The following MYOM1 variants were observed in gnomAD, a reference collection of about 807,000 sequenced individuals.
MYOM1 encodes myomesin 1.
A neutral mutation model predicts 205.3 loss-of-function variants in MYOM1; 164 were observed. That is an observed-to-expected ratio of 0.80 (90% confidence interval 0.70 to 0.91). MYOM1 has a LOEUF of 0.91. Ranked by LOEUF, MYOM1 falls within the 40% of genes least tolerant of loss-of-function variation. MYOM1 has a pLI of 0.00. For synonymous variants in MYOM1, 772 were observed against 789.4 expected, an observed-to-expected ratio of 0.98 and a Z score of 0.37; for missense variants, 2,011 against 2,127.3, an observed-to-expected ratio of 0.95 and a Z score of 1.08.
At position 3,164,326 on chromosome 18, in the gene MYOM1, G is replaced by A. The variant is rs776661300; in HGVS notation, c.1453C>T (p.Arg485Trp). Residue 485 changes from arginine to tryptophan, a missense_variant, in exon 10 of 38, where the codon CGG (arginine) becomes TGG (tryptophan). Physicochemically the swap from Arg to Trp is moderately radical, Grantham distance 101 (BLOSUM62 -3). Transcript: ENST00000356443. The part of the protein sequence containing the change: ...EDEGLYTIRV[R>W]MGEYYEQYSA... ...TATTGTTCATAATATTCTCCCATCC[G>A]TACACGGATTGTATAGAGGCCTTCA... The A allele has an allele frequency of 2.1e-5, 34 of 1,612,724 alleles. No individual in the cohort carries two copies. The highest frequency in any genetic ancestry group is 8.9e-5 in the East Asian group (4 of 44,888).
At chr18:3,216,480 G>A (rs1024696652) in intron 1 of MYOM1, among the ~76,000 whole-genome samples, 1 of 152,172 alleles carries the variant, frequency 6.6e-6, no homozygotes, top group African/African-American at 2.4e-5. Context: ...CCTCAGCAGG[G>A]ATGGCTTCTC....
At chr18:3,210,782 T>C (rs1252748925) in intron 2 of MYOM1, among the ~76,000 whole-genome samples, 1 of 152,148 alleles carries the variant, frequency 6.6e-6, no homozygotes, top group African/African-American at 2.4e-5. Flanking sequence ...TGGGTGCCCG[T>C]GGAAAGGGTG....
rs1049820750 is a variant in MYOM1, at chr18:3,135,305, C to T, written c.2209+242G>A. The T allele has an allele frequency of 1.2e-5, 5 of 416,560 alleles. No homozygotes were observed. The highest frequency in any genetic ancestry group is 2.1e-5 in the Non-Finnish European group (5 of 235,384). The allele number at this position is 416,560 out of a possible 1,614,324, so 25.8% of individuals were successfully genotyped here. Reference sequence around the variant, plus strand: ...AAAACAGTTAGGGAGCATGGATAAACTAAATGTCCATGAACTTCAGAAAAA... The same window carrying T: ...AAAACAGTTAGGGAGCATGGATAAATTAAATGTCCATGAACTTCAGAAAAA... On this transcript the variant is annotated intron_variant, in intron 15 of 37. Coordinates refer to ENST00000356443, the MANE Select transcript of MYOM1 (RefSeq NM_003803.4). This position sits in a 1 kb window ranked among gnomAD's most constrained non-coding sequence, Gnocchi z 4.1.
chr18:3,215,256 A>G lies in MYOM1; in HGVS notation c.-28-5T>C. ...CCCTTGAAGGAACCGGGCCACCTGA[A>G]GGAAAACAACACTTTTTGAGTGACT... On this transcript the variant is annotated splice_region_variant and splice_polypyrimidine_tract_variant and intron_variant, in intron 1 of 37. Transcript: ENST00000356443. The G allele has an allele frequency of 6.4e-7, 1 of 1,565,780 alleles. No homozygotes were observed.
At chr18:3,244,702 C>G in the MYOM1 span, among the ~76,000 whole-genome samples, 26 of 151,030 alleles carry the variant, frequency 1.7e-4, no homozygotes, top group South Asian at 5.4e-3. Context: ...ACCAGCCTGG[C>G]CAACATGGTG....
intron 26 of MYOM1, among the ~76,000 whole-genome samples, chr18:3,091,163 A>C (rs1386061037): frequency 1.3e-5 from 2 of 152,148 alleles, no homozygotes; most frequent in Non-Finnish European, 1.5e-5. Context: ...TAAAAACACA[A>C]AAATTAGCCT....
chr18:3,122,536 T>C (rs1206944947), intron 19 of MYOM1, among the ~76,000 whole-genome samples: 2 of 152,214 alleles, frequency 1.3e-5, no homozygotes, highest in African/African-American at 4.8e-5. Flanking sequence ...AAAGGGAGAC[T>C]ATCCTGCATT....
the MYOM1 span, chr18:3,247,324 G>A: frequency 6.6e-6 from 1 of 152,304 alleles, no homozygotes; most frequent in Non-Finnish European, 1.5e-5. Context: ...ACTGCTCCGG[G>A]GCCCTCAGGC....
intron 21 of MYOM1, among the ~76,000 whole-genome samples, chr18:3,114,498 C>A (rs7505460): frequency 0.87 from 129,165 of 148,014 alleles, 56,910 homozygotes; most frequent in East Asian, 0.97. Flanking sequence ...CCATCTCAGC[C>A]TCCTGAGTAG....
At chr18:3,127,046 G>C in intron 18 of MYOM1, 149 bp from the exon 19 acceptor site, 1 of 645,526 alleles carries the variant, frequency 1.5e-6, no homozygotes, top group Non-Finnish European at 2.7e-6. Context: ...TGAACTTGGT[G>C]AATGCAATGG....
At chr18:3,215,309 G>A in intron 1 of MYOM1, 58 bp from the exon 2 acceptor site, 5 of 1,307,998 alleles carry the variant, frequency 3.8e-6, no homozygotes, top group Non-Finnish European at 5.2e-6. Flanking sequence ...CATAGACCAA[G>A]TCATCTAAAT....
At position 3,094,315 on chromosome 18, in the gene MYOM1, A is replaced by T. The variant is rs749610210; in HGVS notation, c.3728-9T>A. 6.2e-7 allele frequency: 1 copy of T among 1,605,796 alleles called. No homozygotes were observed. The highest frequency in any genetic ancestry group is 8.5e-7 in the Non-Finnish European group (1 of 1,176,098). ...TGATTTAACTGGGACAGCTATGAAA[A>T]GTAAAAATAAACACAGTAATTATAT... On this transcript the variant is annotated splice_polypyrimidine_tract_variant and intron_variant, in intron 25 of 37. Transcript: ENST00000356443.
chr18:3,175,577 GA>G (rs1245920252), intron 6 of MYOM1, among the ~76,000 whole-genome samples: 1 of 152,136 alleles, frequency 6.6e-6, no homozygotes, highest in Non-Finnish European at 1.5e-5. Context: ...CAAGCTGAAG[GA>G]AAGAACATTA....
the MYOM1 span, among the ~76,000 whole-genome samples, chr18:3,226,110 T>G: frequency 1.3e-4 from 20 of 152,314 alleles, no homozygotes; most frequent in African/African-American, 4.8e-4. The surrounding 1 kb of genome is among the most constrained non-coding windows in gnomAD (Gnocchi z 4.6). Flanking sequence ...ATTTCATGAA[T>G]CTGTTCATTT....
At chr18:3,143,018 G>A (rs184697983) in intron 13 of MYOM1, among the ~76,000 whole-genome samples, 2 of 152,166 alleles carry the variant, frequency 1.3e-5, no homozygotes, top group Non-Finnish European at 1.5e-5. Context: ...TGAAAACTAC[G>A]AACTCACAGA....
At chr18:3,223,151 G>T (rs1423192478), upstream of MYOM1, among the ~76,000 whole-genome samples, 1 of 152,162 alleles carries the variant, frequency 6.6e-6, no homozygotes, top group Admixed American at 6.6e-5. Flanking sequence ...AAAGTGCTGG[G>T]ATTACAGGTG....
intron 33 of MYOM1, among the ~76,000 whole-genome samples, 170 bp from the exon 34 acceptor site, chr18:3,079,512 A>G (rs1443749936): frequency 6.6e-6 from 1 of 151,896 alleles, no homozygotes; most frequent in Non-Finnish European, 1.5e-5. Flanking sequence ...GACACACAGA[A>G]CCGGGATTCC....
intron 14 of MYOM1, among the ~76,000 whole-genome samples, chr18:3,136,520 G>A (rs2079967713): frequency 6.6e-6 from 1 of 151,980 alleles, no homozygotes. Context: ...TGACTTCTTT[G>A]GGTTCAAGTG....
chr18:3,173,952 G>A lies in MYOM1; in HGVS notation c.1160C>T (p.Thr387Ile), dbSNP rs189973743. Residue 387 changes from threonine to isoleucine, a missense_variant, in exon 8 of 38, where the codon ACC becomes ATC. Physicochemically the swap from Thr to Ile is moderately conservative, Grantham distance 89 (BLOSUM62 -1). Transcript: ENST00000356443. Reference sequence around the variant, plus strand: ...TTTAAACTTACAGCTGAGGGGCATGGTGGAAGCCCCAGCGTGGAAGCGAGT... The same window carrying A: ...TTTAAACTTACAGCTGAGGGGCATGATGGAAGCCCCAGCGTGGAAGCGAGT... ...DETRFHAGAS[T>I]MPLSFGVTPY... 5.0e-4 allele frequency: 808 copies of A among 1,613,632 alleles called. 4 individuals are homozygous for A. In the African/African-American group the frequency reaches 9.8e-3, roughly 20 times the overall value.
Sources: allele counts gnomAD v4.1 joint callset (sites outside exome capture counted in the v4.1 genomes callset), GRCh38; gene constraint gnomAD v4.1.1; non-coding constraint Gnocchi (gnomAD v3.1); transcripts MANE v1.5; gene names NCBI Gene and HGNC (gene_info 2026-07-23, HGNC 2026-07-21).